The following BCAS3 variants were observed in gnomAD, a reference collection of about 807,000 sequenced individuals.
The protein encoded by BCAS3 is BCAS4/BCAS3 fusion.
A neutral mutation model predicts 116.1 loss-of-function variants in BCAS3; 53 were observed. The observed-to-expected ratio is 0.46, with a 90% CI of 0.37 to 0.57. The LOEUF (loss-of-function observed/expected upper bound fraction) is 0.57. Among genes scored for constraint, BCAS3 ranks in the 20% least tolerant of loss-of-function variants. The pLI, the probability that BCAS3 is intolerant of heterozygous loss-of-function variation, is 0.00. For missense variants in BCAS3, 917 were observed against 1,165.4 expected (o/e 0.79, Z 3.10); for synonymous variants, 391 against 408.2 (o/e 0.96, Z 0.51).
At chr17:60,996,511 A>T (rs1165271716) in intron 15 of BCAS3, among the ~76,000 whole-genome samples, 1 of 152,140 alleles carries the variant, frequency 6.6e-6, no homozygotes, top group Non-Finnish European at 1.5e-5. Context: ...AATTGAAATG[A>T]AGAATGTTGT....
At position 61,083,347 on chromosome 17, in the gene BCAS3, CTG is replaced by C. The variant is rs1478413503; in HGVS notation, c.2328-1118_2328-1117del. ...CTATGTCATATATATACACATTGGT[CTG>C]TATTTTATGTTTTGTTTCTGCTTGT... is the stretch of plus-strand genomic sequence containing the variant. On this transcript the variant is annotated intron_variant, in intron 21 of 23. Coordinates refer to ENST00000407086, the MANE Select transcript of BCAS3 (RefSeq NM_017679.5). This position sits in a 1 kb window ranked among gnomAD's most constrained non-coding sequence, Gnocchi z 4.9. Among the ~76,000 whole-genome samples the C allele has an allele frequency of 1.7e-4, 24 of 141,566 alleles. No individual in the cohort carries two copies. The highest frequency in any genetic ancestry group is 7.4e-4 in the African/African-American group (23 of 31,200). The allele number at this position is 141,566 out of a possible 152,430, so 92.9% of individuals were successfully genotyped here.
chr17:60,881,866 G>A (rs561441745), intron 9 of BCAS3, among the ~76,000 whole-genome samples: 1 of 146,722 alleles, frequency 6.8e-6, no homozygotes, highest in Non-Finnish European at 1.5e-5. Context: ...TTGGTTCCAA[G>A]TCTTTGCTAT....
At chr17:60,893,390 A>C (rs956921450) in intron 10 of BCAS3, among the ~76,000 whole-genome samples, 5 of 151,962 alleles carry the variant, frequency 3.3e-5, no homozygotes, top group Non-Finnish European at 1.5e-5. Flanking sequence ...TTAGGTCTTT[A>C]TTCCATCTGA....
intron 22 of BCAS3, among the ~76,000 whole-genome samples, chr17:61,116,552 T>TA (rs2075470000): frequency 1.3e-5 from 2 of 152,248 alleles, no homozygotes; most frequent in South Asian, 4.1e-4. Context: ...GAAAAGCTTA[T>TA]AGTATTTAAC....
rs146310705 is a variant in BCAS3, at chr17:60,702,399, C to T, written c.215-6820C>T. Among the ~76,000 whole-genome samples the T allele has an allele frequency of 1.9e-3, 284 of 152,220 alleles. 1 individual carries two copies. Among genetic ancestry groups the T allele is most frequent in the African/African-American group, 6.3e-3 (261 of 41,536 alleles). On this transcript the variant is annotated intron_variant, in intron 4 of 23. Coordinates refer to ENST00000407086, the MANE Select transcript of BCAS3 (RefSeq NM_017679.5). ...ATTGTAAAACTATAAACCTTGAATA[C>T]CACGATGGGACCCATATGAAGTGCC...
rs2066879593 is a variant in BCAS3 at position 61,034,639 on chromosome 17, T to C, written c.1638-27T>C. On this transcript the variant is annotated intron_variant, in intron 16 of 23. Coordinates refer to ENST00000407086, the MANE Select transcript of BCAS3 (RefSeq NM_017679.5). The surrounding 1 kb of genome is among the most constrained non-coding windows in gnomAD (Gnocchi z 5.0). The stretch of plus-strand genomic sequence containing the variant: ...GAGTATCATTTCATCATGATAATTG[T>C]TTTTTACTCTTATTTTATTTTTTAA... 1 of 1,574,672 alleles carries C rather than the reference T, an allele frequency of 6.4e-7. No homozygotes were observed. Among genetic ancestry groups the C allele is most frequent in the Non-Finnish European group, 8.7e-7 (1 of 1,152,532 alleles).
chr17:60,954,656 C>A (rs1405575613), intron 14 of BCAS3, among the ~76,000 whole-genome samples: 1 of 152,128 alleles, frequency 6.6e-6, no homozygotes, highest in Non-Finnish European at 1.5e-5. Flanking sequence ...TCCCATCAGG[C>A]AAATTATTAT....
At chr17:60,968,676 C>T (rs1239635854) in intron 14 of BCAS3, among the ~76,000 whole-genome samples, 1 of 152,112 alleles carries the variant, frequency 6.6e-6, no homozygotes, top group Non-Finnish European at 1.5e-5. Context: ...TGGTTATCCC[C>T]ACAGTGTGTC....
At chr17:60,832,645 A>G (rs1302416555) in intron 7 of BCAS3, among the ~76,000 whole-genome samples, 1 of 152,158 alleles carries the variant, frequency 6.6e-6, no homozygotes, top group Admixed American at 6.5e-5. Flanking sequence ...CCAAATGTAA[A>G]GAGGTTATTT....
At chr17:60,700,054 G>A (rs575769202) in intron 4 of BCAS3, among the ~76,000 whole-genome samples, 1 of 151,952 alleles carries the variant, frequency 6.6e-6, no homozygotes, top group Admixed American at 6.6e-5. Context: ...CGTCCCTATG[G>A]TCCCAGCTAC....
intron 14 of BCAS3, among the ~76,000 whole-genome samples, chr17:60,984,406 A>G (rs1298428913): frequency 6.6e-6 from 1 of 152,160 alleles, no homozygotes. Flanking sequence ...CCACTTGGGG[A>G]CTTTTACCTA....
In BCAS3 at chr17:61,105,485, C is replaced by T. The variant is rs2074585441; in HGVS notation, c.2425+20921C>T. ...TGTTGCCCAGGCTGCAGTGCAATGG[C>T]GCGACCTTGGCTCAAAGCAAGCTCT... On this transcript the variant is annotated intron_variant, in intron 22 of 23. Coordinates refer to ENST00000407086, the MANE Select transcript of BCAS3 (RefSeq NM_017679.5). The surrounding 1 kb of genome is among the most constrained non-coding windows in gnomAD (Gnocchi z 4.3). Among the ~76,000 whole-genome samples, 2 of 152,104 alleles carry T rather than the reference C, an allele frequency of 1.3e-5. No individual in the cohort carries two copies. The highest frequency in any genetic ancestry group is 1.5e-5 in the Non-Finnish European group (1 of 68,008).
At chr17:61,221,682 C>T (rs2082119631) in intron 22 of BCAS3, among the ~76,000 whole-genome samples, 1 of 152,028 alleles carries the variant, frequency 6.6e-6, no homozygotes, top group African/African-American at 2.4e-5. Context: ...CAACCAAGAT[C>T]CTAAAAAAAG....
chr17:61,152,012 T>C (rs1333741470), intron 22 of BCAS3, among the ~76,000 whole-genome samples: 2 of 152,144 alleles, frequency 1.3e-5, no homozygotes, highest in South Asian at 4.1e-4. Flanking sequence ...CAGTGGCTTA[T>C]AGTAGTGTGT....
At chr17:61,245,459 C>G (rs2047867806) in intron 22 of BCAS3, 1 of 151,232 alleles carries the variant, frequency 6.6e-6, no homozygotes, top group Non-Finnish European at 1.5e-5. Flanking sequence ...AAGTGATCCT[C>G]TCACCTCAGC....
chr17:61,123,110 T>C (rs1056670918), intron 22 of BCAS3, among the ~76,000 whole-genome samples: 6 of 152,014 alleles, frequency 3.9e-5, no homozygotes, highest in African/African-American at 1.2e-4. Context: ...TCCAACTGAT[T>C]TTTTGTACTT....
chr17:61,091,491 A>T (rs1176063054), intron 22 of BCAS3, among the ~76,000 whole-genome samples: 1 of 152,216 alleles, frequency 6.6e-6, no homozygotes, highest in Admixed American at 6.5e-5. Context: ...TTAGTGCAAC[A>T]CTATTTTAAA....
intron 6 of BCAS3, among the ~76,000 whole-genome samples, chr17:60,793,622 A>T (rs1323723066): frequency 1.3e-5 from 2 of 152,068 alleles, no homozygotes; most frequent in Non-Finnish European, 2.9e-5. Flanking sequence ...CTCATAGCCT[A>T]GCTCCCACAT....
At chr17:60,730,791 A>G (rs2040384015) in intron 5 of BCAS3, among the ~76,000 whole-genome samples, 1 of 152,154 alleles carries the variant, frequency 6.6e-6, no homozygotes, top group Admixed American at 6.6e-5. Flanking sequence ...TATTTATAGG[A>G]GATTCTGATG....
Sources: gnomAD v4.1 joint callset for allele counts (sites outside exome capture counted in the v4.1 genomes callset) on GRCh38, gnomAD v4.1.1 for gene constraint, Gnocchi (gnomAD v3.1) non-coding constraint, MANE v1.5 for transcripts, NCBI Gene and HGNC (gene_info 2026-07-23, HGNC 2026-07-21) for gene names.